The following GRID1 variants were observed in gnomAD, a reference collection of about 807,000 sequenced individuals.
GRID1 encodes the protein glutamate ionotropic receptor delta type subunit 1.
Under a neutral mutation model 98.0 loss-of-function variants are expected in GRID1, and 28 were observed. The observed-to-expected ratio is 0.29, with a 90% confidence interval of 0.21 to 0.39. The LOEUF (loss-of-function observed/expected upper bound fraction) is 0.39. Ranked by LOEUF, GRID1 falls within the 10% of genes least tolerant of loss-of-function variation. The pLI is 1.00. For missense variants in GRID1, 1,111 were observed against 1,340.5 expected (o/e 0.83, Z 2.67); for synonymous variants, 553 against 538.5 (o/e 1.03, Z -0.37).
chr10:86,086,335 T>TAGG (rs1305416227), intron 4 of GRID1, among the ~76,000 whole-genome samples: 1 of 152,208 alleles, frequency 6.6e-6, no homozygotes, highest in Non-Finnish European at 1.5e-5. Flanking sequence ...ACTAGACACT[T>TAGG]AGGAGTCAAA....
At chr10:86,312,133 T>C (rs1847840038) in intron 2 of GRID1, among the ~76,000 whole-genome samples, 1 of 152,206 alleles carries the variant, frequency 6.6e-6, no homozygotes, top group Non-Finnish European at 1.5e-5. Flanking sequence ...TCAGCTACTG[T>C]GAAGTTAAAT....
At chr10:85,917,562 A>T (rs374306955) in intron 4 of GRID1, among the ~76,000 whole-genome samples, 1 of 152,238 alleles carries the variant, frequency 6.6e-6, no homozygotes, top group East Asian at 1.9e-4. Flanking sequence ...TTATCAGTGT[A>T]ACACAAATAT....
intron 8 of GRID1, among the ~76,000 whole-genome samples, chr10:85,827,636 C>T (rs1015455277): frequency 1.5e-4 from 22 of 150,110 alleles, no homozygotes; most frequent in South Asian, 1.0e-3. Flanking sequence ...GCAGGGACTG[C>T]GATTTTAACT....
chr10:86,116,917 T>C (rs1434024799), intron 4 of GRID1, among the ~76,000 whole-genome samples: 1 of 152,110 alleles, frequency 6.6e-6, no homozygotes. Flanking sequence ...CAGGGAAATT[T>C]TGAGTCCTCT....
chr10:85,911,290 G>A (rs751686777), intron 5 of GRID1, among the ~76,000 whole-genome samples: 2 of 152,190 alleles, frequency 1.3e-5, no homozygotes, highest in African/African-American at 2.4e-5. Flanking sequence ...GGAGGATGGT[G>A]AGTTTGGAAA....
At chr10:86,120,122 AT>A (rs1844644609) in intron 4 of GRID1, among the ~76,000 whole-genome samples, 1 of 152,094 alleles carries the variant, frequency 6.6e-6, no homozygotes, top group African/African-American at 2.4e-5. Flanking sequence ...TTAAGGACTG[AT>A]TCTAGCCTCT....
intron 6 of GRID1, among the ~76,000 whole-genome samples, chr10:85,866,377 GT>G (rs1180749668): frequency 1.3e-5 from 2 of 148,280 alleles, no homozygotes; most frequent in Non-Finnish European, 3.0e-5. Flanking sequence ...CACCTCCACA[GT>G]AATGATGATA....
chr10:85,968,304 T>C (rs1367649230), intron 4 of GRID1, among the ~76,000 whole-genome samples: 1 of 151,790 alleles, frequency 6.6e-6, no homozygotes, highest in African/African-American at 2.4e-5. Context: ...ACAAAAAATT[T>C]GCTGGGCCTG....
intron 2 of GRID1, among the ~76,000 whole-genome samples, chr10:86,345,067 T>C (rs1248590397): frequency 6.6e-6 from 1 of 152,088 alleles, no homozygotes; most frequent in Admixed American, 6.5e-5. Context: ...CCAATCAGAC[T>C]GGCCTTCCCT....
intron 5 of GRID1, among the ~76,000 whole-genome samples, chr10:85,870,487 C>T (rs1255047403): frequency 6.6e-6 from 1 of 152,242 alleles, no homozygotes; most frequent in African/African-American, 2.4e-5. Context: ...AACTCCCTTT[C>T]ATATATACTT....
chr10:86,009,015 C>T (rs1417764556), intron 4 of GRID1, among the ~76,000 whole-genome samples: 4 of 152,188 alleles, frequency 2.6e-5, no homozygotes, highest in South Asian at 2.1e-4. Context: ...TTCACAACAG[C>T]GTCCTATTGT....
At chr10:85,793,493 G>T (rs1842499599) in intron 8 of GRID1, among the ~76,000 whole-genome samples, 1 of 152,116 alleles carries the variant, frequency 6.6e-6, no homozygotes, top group African/African-American at 2.4e-5. Flanking sequence ...GCATAACCCA[G>T]CCCAGGCCTG....
chr10:85,757,461 C>T lies in GRID1; in HGVS notation c.1234-27847G>A, dbSNP rs191425623. Among the ~76,000 whole-genome samples, 3 of 152,340 alleles carry T rather than the reference C, an allele frequency of 2.0e-5. No individual in the cohort carries two copies. The East Asian group carries it at 5.8e-4, about 29-fold the overall frequency. On this transcript the variant is annotated intron_variant, in intron 8 of 15. Coordinates refer to ENST00000327946, the MANE Select transcript of GRID1 (RefSeq NM_017551.3). ...GAGTTGGCATGCACAAGAAAACAGA[C>T]ATAATGATCTCTGATCAGGGAGGCA...
rs573496523 is a variant in GRID1 at position 85,612,548 on chromosome 10, G to A, written c.2601+859C>T. 2.6e-5 allele frequency among the ~76,000 whole-genome samples: 4 copies of A among 152,200 alleles called. No homozygotes were observed. In the South Asian group the frequency reaches 8.3e-4, roughly 31 times the overall value. On this transcript the variant is annotated intron_variant, in intron 15 of 15. Coordinates refer to ENST00000327946, the MANE Select transcript of GRID1 (RefSeq NM_017551.3). ...GTTTATATCCATCTGCACCCACAGA[G>A]TCTCTAAGCAGAGCTGTGGTTCTAG...
chr10:85,757,565 G>A (rs1384556794), intron 8 of GRID1, among the ~76,000 whole-genome samples: 3 of 152,336 alleles, frequency 2.0e-5, no homozygotes, highest in African/African-American at 7.2e-5. Context: ...GTTGTTAAGG[G>A]AAAGTGGGAA....
intron 4 of GRID1, among the ~76,000 whole-genome samples, chr10:86,127,946 T>C (rs1168868445): frequency 2.0e-5 from 3 of 152,140 alleles, no homozygotes; most frequent in African/African-American, 7.2e-5. Flanking sequence ...CTCAAGAGCA[T>C]TCCCTCATTT....
chr10:85,963,358 G>T (rs1393328369), intron 4 of GRID1, among the ~76,000 whole-genome samples: 1 of 151,828 alleles, frequency 6.6e-6, no homozygotes, highest in Non-Finnish European at 1.5e-5. Context: ...TCACCTCTCT[G>T]CCAAGTTAAG....
At chr10:86,049,412 A>G (rs79207979) in intron 4 of GRID1, among the ~76,000 whole-genome samples, 5,628 of 152,318 alleles carry the variant, frequency 0.037, 128 homozygotes, top group Non-Finnish European at 0.05. Context: ...TCTTAAAGAT[A>G]TTATTTCCTG....
At chr10:86,213,086 C>T (rs1190825393) in intron 2 of GRID1, among the ~76,000 whole-genome samples, 1 of 152,202 alleles carries the variant, frequency 6.6e-6, no homozygotes, top group African/African-American at 2.4e-5. Flanking sequence ...TTTCCAACTT[C>T]CCAGAGACCT....
Sources: gnomAD v4.1 joint callset for allele counts (sites outside exome capture counted in the v4.1 genomes callset) on GRCh38, gnomAD v4.1.1 for gene constraint, MANE v1.5 for transcripts, NCBI Gene and HGNC (gene_info 2026-07-23, HGNC 2026-07-21) for gene names.